Variants in ZNF322 observed in about 807,000 individuals in gnomAD.
ZNF322 encodes zinc finger protein 322, also known as HLA complex group 12.
Under a neutral mutation model 18.3 loss-of-function variants are expected in ZNF322, and 1 was observed. The observed-to-expected ratio is 0.05, with a 90% CI of 0.02 to 0.26. The LOEUF (loss-of-function observed/expected upper bound fraction) is 0.26. Among genes scored for constraint, ZNF322 ranks in the 10% least tolerant of loss-of-function variants. The probability of loss-of-function intolerance (pLI) is 1.00; values close to 1 mark genes in which losing one functional copy is unlikely to be tolerated. For missense variants in ZNF322, 36 were observed against 403.6 expected, an observed-to-expected ratio of 0.09 and a Z score of 7.80; for synonymous variants, 17 against 130.7, an observed-to-expected ratio of 0.13 and a Z score of 5.93.
chr6:26,648,690 A>G (rs1254923474), intron 2 of ZNF322, among the ~76,000 whole-genome samples: 1 of 152,260 alleles, frequency 6.6e-6, no homozygotes, highest in Admixed American at 6.5e-5. Flanking sequence ...CAACCTTTGT[A>G]TAACAGCAGC....
At chr6:26,645,165 A>C (rs1291002265) in intron 2 of ZNF322, among the ~76,000 whole-genome samples, 1 of 152,292 alleles carries the variant, frequency 6.6e-6, no homozygotes, top group Non-Finnish European at 1.5e-5. Context: ...GGAAATATAA[A>C]GAATGTGGTA....
intron 3 of ZNF322, among the ~76,000 whole-genome samples, chr6:26,642,231 A>C (rs1176568774): frequency 6.6e-6 from 1 of 151,836 alleles, no homozygotes; most frequent in Non-Finnish European, 1.5e-5. Flanking sequence ...TTTCCTGCTG[A>C]CCCTCTCCCC....
intron 2 of ZNF322, among the ~76,000 whole-genome samples, chr6:26,647,877 CT>C (rs34835436): frequency 0.14 from 19,276 of 142,604 alleles, 3,122 homozygotes; most frequent in African/African-American, 0.4. Flanking sequence ...TCCAATATCG[CT>C]TTTTTTTTTT....
intron 3 of ZNF322, 149 bp from the exon 4 acceptor site, chr6:26,638,877 A>C: frequency 4.1e-6 from 1 of 244,940 alleles, no homozygotes; most frequent in Non-Finnish European, 8.1e-6. Context: ...ATTTACTTTT[A>C]CTCTTTGCTA....
intron 3 of ZNF322, among the ~76,000 whole-genome samples, chr6:26,642,297 CAATA>C (rs1336728180): frequency 3.3e-5 from 5 of 152,172 alleles, no homozygotes; most frequent in African/African-American, 1.2e-4. Flanking sequence ...AGAGAGTGAT[CAATA>C]AATACTGAGG....
At chr6:26,648,657 T>C (rs1765597707) in intron 2 of ZNF322, among the ~76,000 whole-genome samples, 1 of 152,172 alleles carries the variant, frequency 6.6e-6, no homozygotes, top group South Asian at 2.1e-4. Context: ...GAATAACTAA[T>C]TGGAACACAC....
intron 2 of ZNF322, among the ~76,000 whole-genome samples, chr6:26,649,596 T>TA: frequency 1.8e-5 from 1 of 54,984 alleles, no homozygotes; most frequent in Non-Finnish European, 3.8e-5. Context: ...TGACTAAAAA[T>TA]AAAAACTTTT....
chr6:26,638,913 T>A lies in ZNF322; in HGVS notation c.-175-185A>T, dbSNP rs551261632. On this transcript the variant is annotated intron_variant, in intron 3 of 3. Transcript: ENST00000415922. The stretch of plus-strand genomic sequence containing the variant: ...ATATAAAACTGATCAGCAATACATA[T>A]GGGAAACTGCAAGTAAGAACTCTTT... Among the ~76,000 whole-genome samples, 3 of 152,322 alleles carry A rather than the reference T, an allele frequency of 2.0e-5. No homozygotes were observed. The South Asian group carries it at 6.2e-4, about 32-fold the overall frequency.
rs543918278 is a variant in ZNF322 at position 26,645,770 on chromosome 6, G to A, written c.-245-2042C>T. 2.6e-5 allele frequency among the ~76,000 whole-genome samples: 4 copies of A among 152,156 alleles called. No homozygotes were observed. In the South Asian group the frequency reaches 6.2e-4, roughly 24 times the overall value. On this transcript the variant is annotated intron_variant, in intron 2 of 3. Coordinates refer to ENST00000415922, the MANE Select transcript of ZNF322 (RefSeq NM_024639.5). ...AGTATGGTCAGGTGCGGTGGCTCAC[G>A]CCTGTAATCCCCGCACTTTGGGAGA...
At chr6:26,639,347 G>T (rs1765426016) in intron 3 of ZNF322, among the ~76,000 whole-genome samples, 2 of 152,038 alleles carry the variant, frequency 1.3e-5, no homozygotes, top group African/African-American at 4.8e-5. Flanking sequence ...ATGACAAAGG[G>T]GCTTAAGATT....
At chr6:26,654,290 A>AT (rs201215547) in intron 2 of ZNF322, among the ~76,000 whole-genome samples, 4 of 151,608 alleles carry the variant, frequency 2.6e-5, no homozygotes, top group African/African-American at 7.3e-5. Context: ...ACGTATGTTT[A>AT]TTTTTTTTTC....
At position 26,651,975 on chromosome 6, in the gene ZNF322, G is replaced by A. The variant is rs560375666; in HGVS notation, c.-246+6583C>T. ...GCCTCCTGAGTAGCTGGGACCACAG[G>A]CATGTGTCACTACTCCAGGCTAATT... On this transcript the variant is annotated intron_variant, in intron 2 of 3. Transcript: ENST00000415922. Among the ~76,000 whole-genome samples, 15 of 152,250 alleles carry A rather than the reference G, an allele frequency of 9.9e-5. No homozygotes were observed. The East Asian group carries it at 2.9e-3, about 29-fold the overall frequency.
At chr6:26,654,025 C>T (rs1554149484) in intron 2 of ZNF322, among the ~76,000 whole-genome samples, 3 of 152,052 alleles carry the variant, frequency 2.0e-5, no homozygotes, top group East Asian at 1.9e-4. Flanking sequence ...AAAAATAACT[C>T]GAATCAGTAC....
chr6:26,643,044 GCTGCCCTGCTAGCCTGTCA>G, intron 3 of ZNF322, among the ~76,000 whole-genome samples: 1 of 152,272 alleles, frequency 6.6e-6, no homozygotes, highest in Middle Eastern at 3.4e-3. Context: ...GCCCACTTGA[GCTGCCCTGCTAGCCTGTCA>G]CTGCCTCTCT....
intron 3 of ZNF322, among the ~76,000 whole-genome samples, chr6:26,639,615 T>C (rs1554148118): frequency 6.6e-6 from 1 of 152,084 alleles, no homozygotes; most frequent in East Asian, 1.9e-4. Flanking sequence ...AATAAGTCAA[T>C]GCATTTATCA....
In ZNF322 at chr6:26,638,698, T is replaced by C. The variant is rs1180634172; in HGVS notation, c.-145A>G. On this transcript the variant is annotated 5_prime_UTR_variant, in exon 4 of 4. It adds an upstream start codon to the 5' untranslated region. Coordinates refer to ENST00000415922, the MANE Select transcript of ZNF322 (RefSeq NM_024639.5). ...GCCTCTACAAGTTTCCAGCATCATATATGTTAATTCCTTACTTGGTATTTC... is the reference window on the plus strand; with the variant it reads ...GCCTCTACAAGTTTCCAGCATCATACATGTTAATTCCTTACTTGGTATTTC... 3.2e-6 allele frequency: 3 copies of C among 927,218 alleles called. No individual in the cohort carries two copies. The highest frequency in any genetic ancestry group is 3.3e-5 in the African/African-American group (2 of 61,110). The allele number at this position is 927,218 out of a possible 1,614,324, so 57.4% of individuals were successfully genotyped here. A position where few individuals can be genotyped will look rare whatever the true frequency, so the allele number is the denominator to read the frequency against.
intron 2 of ZNF322, among the ~76,000 whole-genome samples, chr6:26,657,852 G>C (rs1765809901): frequency 6.6e-6 from 1 of 151,974 alleles, no homozygotes; most frequent in Non-Finnish European, 1.5e-5. Context: ...CCCTCCTTCA[G>C]GATGCTTCTC....
chr6:26,646,457 A>T (rs1765561282), intron 2 of ZNF322, among the ~76,000 whole-genome samples: 1 of 152,192 alleles, frequency 6.6e-6, no homozygotes, highest in Non-Finnish European at 1.5e-5. Context: ...ATTAAACATA[A>T]TAATACTTTC....
chr6:26,643,976 A>G (rs143491511), intron 2 of ZNF322, among the ~76,000 whole-genome samples: 2 of 152,294 alleles, frequency 1.3e-5, no homozygotes, highest in African/African-American at 4.8e-5. Flanking sequence ...CTATAACAAC[A>G]TTGAAGGAAA....
Sources: gnomAD v4.1 joint callset for allele counts (sites outside exome capture counted in the v4.1 genomes callset) on GRCh38, gnomAD v4.1.1 for gene constraint, MANE v1.5 for transcripts, NCBI Gene and HGNC (gene_info 2026-07-23, HGNC 2026-07-21) for gene names.